Variants in ZUP1 observed in about 807,000 individuals in gnomAD.
ZUP1 encodes the protein zinc finger containing ubiquitin peptidase 1.
ZUP1 carries 55 observed loss-of-function variants against 68.1 expected under a neutral mutation model. The observed-to-expected ratio is 0.81, with a 90% CI of 0.65 to 1.01. The LOEUF is 1.01. ZUP1 is among the 50% of genes least tolerant of loss of function. The pLI is 0.00. For synonymous variants in ZUP1, 223 were observed against 221.5 expected (o/e 1.01, Z -0.06); for missense variants, 684 against 674.9 (o/e 1.01, Z -0.15).
At chr6:116,657,895 A>C (rs959884643) in intron 4 of ZUP1, among the ~76,000 whole-genome samples, 1 of 152,228 alleles carries the variant, frequency 6.6e-6, no homozygotes, top group South Asian at 2.1e-4. Context: ...GTTCAAGACC[A>C]GTTTGGCCAA....
chr6:116,660,671 A>C, intron 3 of ZUP1, 65 bp downstream of exon 3: 3 of 854,022 alleles, frequency 3.5e-6, no homozygotes, highest in Non-Finnish European at 5.4e-6. Context: ...AAATCTAAAA[A>C]TTAGATATGT....
chr6:116,665,757 T>TG (rs1194138727), intron 2 of ZUP1, among the ~76,000 whole-genome samples: 29 of 148,882 alleles, frequency 1.9e-4, no homozygotes, highest in African/African-American at 6.6e-4. Context: ...TTTTTTGGTT[T>TG]TTTTTTTTTT....
chr6:116,648,481 G>A (rs1269357785), intron 7 of ZUP1, among the ~76,000 whole-genome samples: 5 of 152,100 alleles, frequency 3.3e-5, no homozygotes, highest in African/African-American at 4.8e-5. Flanking sequence ...TGGATAAACC[G>A]TTTAAAAAGA....
chr6:116,640,496 G>A (rs1205521157), intron 9 of ZUP1, among the ~76,000 whole-genome samples: 2 of 151,914 alleles, frequency 1.3e-5, no homozygotes, highest in Non-Finnish European at 2.9e-5. Flanking sequence ...TCTCTCAGCA[G>A]AAACTCTACA....
chr6:116,646,145 CAAA>C (rs935289591), intron 8 of ZUP1: 1 of 391,410 alleles, frequency 2.6e-6, no homozygotes, highest in Non-Finnish European at 4.5e-6. Context: ...GCTTCATTAC[CAAA>C]AAAAACATTT....
chr6:116,636,166 G>C (rs570685623), intron 9 of ZUP1, among the ~76,000 whole-genome samples: 2 of 152,252 alleles, frequency 1.3e-5, no homozygotes, highest in Admixed American at 6.5e-5. Flanking sequence ...CAAAGTCAGA[G>C]AGAGATGAAT....
chr6:116,658,617 G>C (rs1244449236), intron 4 of ZUP1, among the ~76,000 whole-genome samples, 186 bp downstream of exon 4: 1 of 152,184 alleles, frequency 6.6e-6, no homozygotes, highest in Non-Finnish European at 1.5e-5. Context: ...CAAAGATTTT[G>C]AGATATTGTA....
chr6:116,657,017 AC>A, intron 4 of ZUP1, among the ~76,000 whole-genome samples, 165 bp from the exon 5 acceptor site: 1 of 150,958 alleles, frequency 6.6e-6, no homozygotes, highest in African/African-American at 2.4e-5. Context: ...ACACACACAC[AC>A]ACACACAAAA....
At chr6:116,667,256 G>A (rs1370415925) in intron 1 of ZUP1, 49 bp from the exon 2 acceptor site, 3 of 1,283,086 alleles carry the variant, frequency 2.3e-6, no homozygotes, top group African/African-American at 3.0e-5. Flanking sequence ...GAAAAAATGT[G>A]TTTCATAAAA....
chr6:116,659,000 T>G, intron 3 of ZUP1, 76 bp from the exon 4 acceptor site: 1 of 1,239,068 alleles, frequency 8.1e-7, no homozygotes, highest in Non-Finnish European at 1.1e-6. Flanking sequence ...TATATGTTTT[T>G]AAAATAGAGT....
chr6:116,645,193 A>G (rs993076836), intron 9 of ZUP1, among the ~76,000 whole-genome samples: 8 of 152,350 alleles, frequency 5.3e-5, no homozygotes, highest in South Asian at 2.1e-4. Context: ...TCATTAAAGT[A>G]CCATTTCAAA....
chr6:116,639,417 C>G (rs1247082055), intron 9 of ZUP1, among the ~76,000 whole-genome samples: 1 of 152,226 alleles, frequency 6.6e-6, no homozygotes, highest in Non-Finnish European at 1.5e-5. Flanking sequence ...GACCCCTGAG[C>G]AGCCTAACGG....
At chr6:116,664,555 T>A (rs1173685901) in intron 2 of ZUP1, among the ~76,000 whole-genome samples, 1 of 151,906 alleles carries the variant, frequency 6.6e-6, no homozygotes, top group East Asian at 1.9e-4. Flanking sequence ...TGAAACTTGA[T>A]AATATGGCTT....
intron 9 of ZUP1, 92 bp from the exon 10 acceptor site, chr6:116,635,971 A>T: frequency 3.4e-6 from 3 of 887,680 alleles, no homozygotes; most frequent in Non-Finnish European, 4.8e-6. Flanking sequence ...AAAATCTGGA[A>T]TTTTTTTTCA....
At chr6:116,665,087 G>GGA (rs1475171970) in intron 2 of ZUP1, among the ~76,000 whole-genome samples, 1 of 151,864 alleles carries the variant, frequency 6.6e-6, no homozygotes, top group Non-Finnish European at 1.5e-5. Flanking sequence ...TACAGCTGAA[G>GGA]GATTAGTATT....
At chr6:116,666,544 T>C in intron 2 of ZUP1, 90 bp downstream of exon 2, 3 of 1,046,836 alleles carry the variant, frequency 2.9e-6, no homozygotes, top group Non-Finnish European at 4.0e-6. Flanking sequence ...AACACATCTG[T>C]AGTAAGCTGA....
At chr6:116,641,821 GCAAGAAATAACTAAAAT>G (rs1776110038) in intron 9 of ZUP1, among the ~76,000 whole-genome samples, 2 of 151,678 alleles carry the variant, frequency 1.3e-5, no homozygotes, top group Admixed American at 1.3e-4. Context: ...CTAGCAGGAG[GCAAGAAATAACTAAAAT>G]CAGAGCAGAA....
intron 9 of ZUP1, among the ~76,000 whole-genome samples, chr6:116,645,358 A>G (rs1776258448): frequency 2.0e-5 from 3 of 152,222 alleles, no homozygotes; most frequent in South Asian, 4.2e-4. Context: ...AGGTGGGCAG[A>G]TCGCTTGAGC....
In ZUP1 at chr6:116,668,631, G is replaced by A. The variant is rs1777082311; in HGVS notation, c.-81C>T. 6.6e-6 allele frequency: 1 copy of A among 152,490 alleles called. No homozygotes were observed. Among genetic ancestry groups the A allele is most frequent in the Non-Finnish European group, 1.5e-5 (1 of 68,238 alleles). 9.4% of individuals were successfully genotyped at this position (152,490 alleles called of 1,614,324 possible). Reference sequence around the variant, plus strand: ...GCTTCCCCTTTGGGCCTCGCTGGCAGACGAGTGCGTGCGCGGCGTCCAGTA... The same window carrying A: ...GCTTCCCCTTTGGGCCTCGCTGGCAAACGAGTGCGTGCGCGGCGTCCAGTA... On this transcript the variant is annotated 5_prime_UTR_variant, in exon 1 of 10. Coordinates refer to ENST00000368576, the MANE Select transcript of ZUP1 (RefSeq NM_145062.3).
Sources: gnomAD v4.1 joint callset for allele counts (sites outside exome capture counted in the v4.1 genomes callset) on GRCh38, gnomAD v4.1.1 for gene constraint, MANE v1.5 for transcripts, NCBI Gene and HGNC (gene_info 2026-07-23, HGNC 2026-07-21) for gene names.